DOCK10: variants seen among roughly 807,000 people sequenced by gnomAD.
The protein encoded by DOCK10 is dedicator of cytokinesis 10, also known as dedicator of cytokinesis protein 10.
DOCK10 carries 145 observed loss-of-function variants against 280.1 expected under a neutral mutation model. That is an observed-to-expected ratio of 0.52 (90% CI 0.45 to 0.59). The LOEUF (loss-of-function observed/expected upper bound fraction) is 0.59, where lower values mean the gene tolerates loss of function less well. Ranked by LOEUF, DOCK10 falls within the 20% of genes least tolerant of loss-of-function variation. The pLI is 0.00. For synonymous variants in DOCK10, 915 were observed against 942.2 expected, an observed-to-expected ratio of 0.97 and a Z score of 0.53; for missense variants, 2,368 against 2,651.7, an observed-to-expected ratio of 0.89 and a Z score of 2.35.
chr2:224,901,598 G>A (rs1397567237), intron 3 of DOCK10, among the ~76,000 whole-genome samples: 3 of 152,204 alleles, frequency 2.0e-5, no homozygotes, highest in Non-Finnish European at 2.9e-5. Flanking sequence ...TTCCTAAAAC[G>A]TATATGTCCA....
rs1698473512 is a variant in DOCK10 at position 224,874,055 on chromosome 2, C to T, written c.1198G>A (p.Ala400Thr). The change falls in exon 11 of 56, where the codon GCC becomes ACC. Residue 400 changes from alanine (A) to threonine (T), a missense_variant. Transcript: ENST00000258390. ...AAKRIMIICKALNSNLQGCVT... is the reference protein window; with the variant it reads ...AAKRIMIICKTLNSNLQGCVT... The stretch of plus-strand genomic sequence containing the variant: ...CATCCCTGAAGATTTGAGTTGAGGG[C>T]TTTACAGATGATCATGATTCTCTTG... 1 of 1,613,622 alleles carries T rather than the reference C, an allele frequency of 6.2e-7. No homozygotes were observed. Among genetic ancestry groups the T allele is most frequent in the Admixed American group, 1.7e-5 (1 of 59,994 alleles).
Position 224,819,457 on chromosome 2 carries a change from CGGA to C in DOCK10, c.3253_3255del (p.Ser1085del). On this transcript the variant is annotated inframe_deletion, in exon 29 of 56. Transcript: ENST00000258390. Reference sequence around the variant, plus strand: ...TACGTGGTTCTTACCTTAAGGTCACCGGAGGAGAACATGCTGATGTAATTGTTG... The same window carrying C: ...TACGTGGTTCTTACCTTAAGGTCACCGGAGAACATGCTGATGTAATTGTTG... 4 of 1,606,226 alleles carry C rather than the reference CGGA, an allele frequency of 2.5e-6. No homozygotes were observed. The highest frequency in any genetic ancestry group is 2.6e-6 in the Non-Finnish European group (3 of 1,175,804).
In DOCK10 at chr2:224,886,475, T is replaced by G; in HGVS notation, c.473A>C (p.Asp158Ala). 6.2e-7 allele frequency: 1 copy of G among 1,611,198 alleles called. No homozygotes were observed. Among genetic ancestry groups the G allele is most frequent in the Non-Finnish European group, 8.5e-7 (1 of 1,178,942 alleles). The part of the protein sequence containing the change: ...PSHSFEIDHE[D>A]ADKDEDTTSH... ...TTTACTTACTTCATCCTTATCAGCA[T>G]CTTCATGGTCAATCTCAAAGGAATG... The change falls in exon 5 of 56, where the codon GAT becomes GCT. Residue 158 changes from aspartate to alanine, a missense_variant. This residue lies in a region of DOCK10 where 1,209 missense variants were observed against 1,250.9 expected (regional missense o/e 0.97). Transcript: ENST00000258390.
chr2:224,944,599 C>T (rs984972481), intron 1 of DOCK10, among the ~76,000 whole-genome samples: 2 of 152,062 alleles, frequency 1.3e-5, no homozygotes, highest in African/African-American at 4.8e-5. Flanking sequence ...AGTAACTTGC[C>T]CAAGGTCATA....
chr2:224,940,222 C>T (rs1278156417), intron 1 of DOCK10, among the ~76,000 whole-genome samples: 2 of 152,150 alleles, frequency 1.3e-5, no homozygotes, highest in Admixed American at 6.5e-5. Context: ...TCATCAAAAC[C>T]ACCCATTTCC....
intron 4 of DOCK10, chr2:224,893,661 TA>T: frequency 6.6e-6 from 3 of 453,972 alleles, no homozygotes; most frequent in South Asian, 3.3e-5. Context: ...CGCTTAAAAA[TA>T]AAAAAAGTGA....
intron 1 of DOCK10, among the ~76,000 whole-genome samples, chr2:224,939,764 T>C (rs186858109): frequency 1.3e-5 from 2 of 152,250 alleles, no homozygotes; most frequent in Non-Finnish European, 2.9e-5. Flanking sequence ...TCAAGTGTTG[T>C]ACACGCACAT....
rs1357871564 is a variant in DOCK10 at position 224,805,651 on chromosome 2, C to G, written c.3815-122G>C. 7.8e-7 allele frequency: 1 copy of G among 1,288,694 alleles called. No individual in the cohort carries two copies. The highest frequency in any genetic ancestry group is 1.5e-5 in the African/African-American group (1 of 67,652). 79.8% of individuals were successfully genotyped at this position (1,288,694 alleles called of 1,614,324 possible). On this transcript the variant is annotated intron_variant, in intron 34 of 55. Transcript: ENST00000258390. This position sits in a 1 kb window ranked among gnomAD's most constrained non-coding sequence, Gnocchi z 4.3. ...AGGTAGCAGCAGTGTTGTCAAAGAC[C>G]AACATAACAGCGTCTGGGATTGGCA...
intron 21 of DOCK10, 54 bp from the exon 22 acceptor site, chr2:224,844,893 A>G: frequency 8.0e-7 from 1 of 1,245,376 alleles, no homozygotes; most frequent in Non-Finnish European, 1.2e-6. Context: ...GAAAGAAAAT[A>G]AATAGATTGT....
Position 224,787,376 on chromosome 2 carries a change from A to G in DOCK10, c.5440T>C (p.Tyr1814His). ...YNENILVEQL[Y>H]MCVEFLWKSE... is the part of the protein sequence containing the mutation. ...TTCCAGAGAAACTCCACACACATGT[A>G]TAGCTGCTCCACCAGGATATTCTGC... is the stretch of plus-strand genomic sequence containing the variant. Residue 1814 changes from tyrosine to histidine, a missense_variant, in exon 49 of 56, where the codon TAC becomes CAC. By Grantham distance (83) the Tyr-to-His change is moderately conservative. Coordinates refer to ENST00000258390, the MANE Select transcript of DOCK10 (RefSeq NM_014689.3). The G allele has an allele frequency of 2.5e-6, 4 of 1,614,028 alleles. No individual in the cohort carries two copies. Among genetic ancestry groups the G allele is most frequent in the Non-Finnish European group, 3.4e-6 (4 of 1,179,880 alleles).
intron 1 of DOCK10, among the ~76,000 whole-genome samples, chr2:225,004,185 C>A (rs944231520): frequency 6.6e-6 from 1 of 152,134 alleles, no homozygotes; most frequent in African/African-American, 2.4e-5. Context: ...ATGAGTTAAG[C>A]CTTTCAAGAT....
intron 3 of DOCK10, among the ~76,000 whole-genome samples, chr2:224,913,191 T>C (rs1259153996): frequency 6.6e-6 from 1 of 152,220 alleles, no homozygotes; most frequent in Non-Finnish European, 1.5e-5. Flanking sequence ...ATATGTCTTA[T>C]GAATTACATT....
At position 224,792,992 on chromosome 2, in the gene DOCK10, T is replaced by A; in HGVS notation, c.5293A>T (p.Thr1765Ser). 1 of 1,613,368 alleles carries A rather than the reference T, an allele frequency of 6.2e-7. No homozygotes were observed. Among genetic ancestry groups the A allele is most frequent in the Non-Finnish European group, 8.5e-7 (1 of 1,179,382 alleles). ...THPCDSNSLL[T>S]TPSGGSMFSM... is the part of the protein sequence containing the mutation. ...CACTCACTTCCTCCACTGGGAGTTG[T>A]TAGTAATGAGTTGCTATCACAGGGG... Residue 1765 changes from threonine (T) to serine (S), a missense_variant, in exon 47 of 56, where the codon ACA becomes TCA. Physicochemically the swap from Thr to Ser is moderately conservative, Grantham distance 58. Coordinates refer to ENST00000258390, the MANE Select transcript of DOCK10 (RefSeq NM_014689.3).
At chr2:224,768,308 A>G (rs1690193545) in intron 55 of DOCK10, among the ~76,000 whole-genome samples, 1 of 152,044 alleles carries the variant, frequency 6.6e-6, no homozygotes, top group African/African-American at 2.4e-5. Context: ...ATAGATAGGT[A>G]TGTGAAGGTA....
intron 3 of DOCK10, among the ~76,000 whole-genome samples, chr2:224,899,002 G>A (rs1030276112): frequency 5.3e-5 from 8 of 152,124 alleles, no homozygotes; most frequent in African/African-American, 1.9e-4. Context: ...AACTTTCATG[G>A]TTATAATTCT....
At chr2:225,013,147 A>G (rs764146029) in intron 1 of DOCK10, among the ~76,000 whole-genome samples, 1 of 152,192 alleles carries the variant, frequency 6.6e-6, no homozygotes, top group Non-Finnish European at 1.5e-5. Flanking sequence ...TTAATCAGTG[A>G]GTCCTGATTA....
chr2:224,951,523 AC>A (rs1273042071), intron 1 of DOCK10, among the ~76,000 whole-genome samples: 3 of 152,224 alleles, frequency 2.0e-5, no homozygotes, highest in Non-Finnish European at 4.4e-5. Flanking sequence ...GGGACACTTA[AC>A]CATGATTTAG....
At chr2:224,845,488 G>T (rs1001207004) in intron 20 of DOCK10, 31 bp downstream of exon 20, 1 of 1,599,062 alleles carries the variant, frequency 6.3e-7, no homozygotes, top group South Asian at 1.1e-5. Flanking sequence ...GAAGACATGT[G>T]ACTCTGCCTC....
intron 23 of DOCK10, among the ~76,000 whole-genome samples, chr2:224,840,975 G>A (rs903162546): frequency 4.3e-4 from 66 of 152,134 alleles, no homozygotes; most frequent in African/African-American, 1.5e-3. Context: ...GGAGGAACCC[G>A]GAGTATATTA....
Sources: gnomAD v4.1 joint callset for allele counts (sites outside exome capture counted in the v4.1 genomes callset) on GRCh38, gnomAD v4.1.1 for gene constraint, gnomAD v4.1.1 regional missense constraint, Gnocchi (gnomAD v3.1) non-coding constraint, MANE v1.5 for transcripts, NCBI Gene and HGNC (gene_info 2026-07-23, HGNC 2026-07-21) for gene names.